ATP13A1: variants seen among roughly 807,000 people sequenced by gnomAD.
ATP13A1 encodes ATPase 13A1.
ATP13A1 carries 55 observed loss-of-function variants against 134.8 expected under a neutral mutation model. That is an observed-to-expected ratio of 0.41 (90% CI 0.33 to 0.51). The LOEUF (loss-of-function observed/expected upper bound fraction) is 0.51. Ranked by LOEUF, ATP13A1 falls within the 20% of genes least tolerant of loss-of-function variation. The pLI is 0.29. For synonymous variants in ATP13A1, 775 were observed against 725.1 expected (o/e 1.07, Z -1.10); for missense variants, 1,389 against 1,652.8 (o/e 0.84, Z 2.77).
chr19:19,658,203 G>C (rs531641494), intron 3 of ATP13A1, among the ~76,000 whole-genome samples: 25 of 150,142 alleles, frequency 1.7e-4, no homozygotes, highest in African/African-American at 6.1e-4. Flanking sequence ...TTGGGCCTAA[G>C]GGTGTGTTCT....
chr19:19,660,850 CA>C (rs1278357297), intron 1 of ATP13A1, among the ~76,000 whole-genome samples: 3 of 151,518 alleles, frequency 2.0e-5, no homozygotes, highest in Non-Finnish European at 4.4e-5. Context: ...GAGGCTGAGG[CA>C]GGGGGGATCA....
chr19:19,659,176 C>T (rs923943817), intron 3 of ATP13A1, among the ~76,000 whole-genome samples: 2 of 150,084 alleles, frequency 1.3e-5, no homozygotes, highest in South Asian at 2.1e-4. Context: ...CAGATTTGGC[C>T]GGGTGCAGTG....
rs1034077455 is a variant in ATP13A1 at position 19,656,425 on chromosome 19, G to T, written c.1083+235C>A. Reference sequence around the variant, plus strand: ...CGTCTGGGACTCACCCCTCTGGACTGCTCCCAGCCCACCTTGGTCTGACAT... The same window carrying T: ...CGTCTGGGACTCACCCCTCTGGACTTCTCCCAGCCCACCTTGGTCTGACAT... On this transcript the variant is annotated intron_variant, in intron 7 of 25. Transcript: ENST00000357324. This position sits in a 1 kb window ranked among gnomAD's most constrained non-coding sequence, Gnocchi z 4.6. Among the ~76,000 whole-genome samples the T allele has an allele frequency of 6.6e-6, 1 of 152,116 alleles. No homozygotes were observed. Among genetic ancestry groups the T allele is most frequent in the African/African-American group, 2.4e-5 (1 of 41,414 alleles).
Position 19,646,345 on chromosome 19 carries a change from G to A in ATP13A1, c.3108C>T (p.Pro1036=). The change falls in exon 23 of 26, where the codon CCC becomes CCT. Residue 1036 remains proline (P), a splice_region_variant and synonymous_variant. Transcript: ENST00000357324. The part of the protein sequence containing the change: ...GCFLFISRSK[P]LKTLSRERPL... Reference sequence around the variant, plus strand: ...GCCGTTCTCGGGAGAGGGTCTTGAGGGGCTGCAGCAGCAAGGCGGGTGGGG... The same window carrying A: ...GCCGTTCTCGGGAGAGGGTCTTGAGAGGCTGCAGCAGCAAGGCGGGTGGGG... 2 of 1,613,792 alleles carry A rather than the reference G, an allele frequency of 1.2e-6. No homozygotes were observed. The highest frequency in any genetic ancestry group is 1.7e-6 in the Non-Finnish European group (2 of 1,179,846).
Position 19,659,919 on chromosome 19 carries a change from G to A in ATP13A1, c.465C>T (p.Leu155=), listed in dbSNP as rs371645040. Reference sequence around the variant, plus strand: ...CTACCTCATTGCGGTGCAGGGCCACGAGCTCCGTGGAGCCATTGTTGGGGG... The same window carrying A: ...CTACCTCATTGCGGTGCAGGGCCACAAGCTCCGTGGAGCCATTGTTGGGGG... ...VPTPNNGSTE[L]VALHRNEGED... Residue 155 remains leucine, a synonymous_variant, in exon 2 of 26, where the codon CTC becomes CTT. Transcript: ENST00000357324. 4 of 1,585,490 alleles carry A rather than the reference G, an allele frequency of 2.5e-6. No individual in the cohort carries two copies. The highest frequency in any genetic ancestry group is 2.3e-5 in the East Asian group (1 of 43,930).
In ATP13A1 at chr19:19,645,642, C is replaced by T. The variant is rs1188504250; in HGVS notation, c.3504+5G>A. On this transcript the variant is annotated splice_donor_5th_base_variant and intron_variant, in intron 25 of 25. Transcript: ENST00000357324. The surrounding 1 kb of genome is among the most constrained non-coding windows in gnomAD (Gnocchi z 4.1). ...CCCCAGGGTCACCTCCACAGGGCCA[C>T]TGACCTCCACAGGGATGTCCACGAG... 4 of 1,566,494 alleles carry T rather than the reference C, an allele frequency of 2.6e-6. No homozygotes were observed. Among genetic ancestry groups the T allele is most frequent in the Non-Finnish European group, 3.5e-6 (4 of 1,155,804 alleles).
Position 19,655,530 on chromosome 19 carries a change from T to G in ATP13A1, c.1394A>C (p.Glu465Ala). The G allele has an allele frequency of 6.2e-7, 1 of 1,613,932 alleles. No individual in the cohort carries two copies. Among genetic ancestry groups the G allele is most frequent in the Non-Finnish European group, 8.5e-7 (1 of 1,179,864 alleles). Residue 465 changes from glutamate to alanine, a missense_variant and splice_region_variant, in exon 10 of 26, where the codon GAA becomes GCA. By Grantham distance (107) the Glu-to-Ala change is moderately radical. Coordinates refer to ENST00000357324, the MANE Select transcript of ATP13A1 (RefSeq NM_020410.3). This position sits in a 1 kb window ranked among gnomAD's most constrained non-coding sequence, Gnocchi z 5.7. ...AIAAAAYVWI[E>A]GTKDPSRNRY... ...ACCACAGAGGCCGTGGCGCTTACCT[T>G]CAATCCATACATAGGCAGCTGCAGC...
At chr19:19,662,861 C>G (rs1250849299) in intron 1 of ATP13A1, among the ~76,000 whole-genome samples, 1 of 152,124 alleles carries the variant, frequency 6.6e-6, no homozygotes. Flanking sequence ...CCAGTGATCT[C>G]GCCTTACACT....
rs147877135 is a variant in ATP13A1, at chr19:19,647,717, C to T, written c.2675G>A (p.Arg892Gln). 9 of 1,608,062 alleles carry T rather than the reference C, an allele frequency of 5.6e-6. No homozygotes were observed. The highest frequency in any genetic ancestry group is 4.5e-5 in the East Asian group (2 of 44,784). The change falls in exon 20 of 26, where the codon CGG (arginine) becomes CAG (glutamine). Residue 892 changes from arginine to glutamine, a missense_variant. Physicochemically the swap from Arg to Gln is conservative, Grantham distance 43. Transcript: ENST00000357324. This position sits in a 1 kb window ranked among gnomAD's most constrained non-coding sequence, Gnocchi z 4.8. ...TGGGCTGTCCCGGGGCCGCCGTCGCCGCTCGACAACCCGCTCAGGGGCATT... is the reference window on the plus strand; with the variant it reads ...TGGGCTGTCCCGGGGCCGCCGTCGCTGCTCGACAACCCGCTCAGGGGCATT... ...LANAPERVVE[R>Q]RRRPRDSPTL...
In ATP13A1 at chr19:19,656,786, G is replaced by A. The variant is rs780570507; in HGVS notation, c.977-20C>T. 1 of 1,613,024 alleles carries A rather than the reference G, an allele frequency of 6.2e-7. No homozygotes were observed. On this transcript the variant is annotated intron_variant, in intron 6 of 25. Coordinates refer to ENST00000357324, the MANE Select transcript of ATP13A1 (RefSeq NM_020410.3). This position sits in a 1 kb window ranked among gnomAD's most constrained non-coding sequence, Gnocchi z 4.6. ...AGCGGCCTGCAGGGCAGAGGCAGGA[G>A]GGTTGGCCAGAGGCCCTGAGGCTGG...
rs759852268 is a variant in ATP13A1 at position 19,654,718 on chromosome 19, A to T, written c.1656-18T>A. On this transcript the variant is annotated intron_variant, in intron 12 of 25. Coordinates refer to ENST00000357324, the MANE Select transcript of ATP13A1 (RefSeq NM_020410.3). Reference sequence around the variant, plus strand: ...TCCCGTCTCTGCAAGGTCGGGGAACAGCTGGTTACAGAGTGCAGGCGGGTA... The same window carrying T: ...TCCCGTCTCTGCAAGGTCGGGGAACTGCTGGTTACAGAGTGCAGGCGGGTA... 1 of 1,603,366 alleles carries T rather than the reference A, an allele frequency of 6.2e-7. No homozygotes were observed. The highest frequency in any genetic ancestry group is 8.5e-7 in the Non-Finnish European group (1 of 1,174,966).
chr19:19,662,213 T>C, intron 1 of ATP13A1: 1 of 1,531,182 alleles, frequency 6.5e-7, no homozygotes, highest in South Asian at 1.2e-5. Context: ...CCTCCTTTAT[T>C]TTGTCCCTCA....
rs978038150 is a variant in ATP13A1 at position 19,663,620 on chromosome 19, C to A, written c.47G>T (p.Arg16Leu). 1.5e-6 allele frequency: 2 copies of A among 1,372,914 alleles called. No individual in the cohort carries two copies. The highest frequency in any genetic ancestry group is 1.9e-6 in the Non-Finnish European group (2 of 1,070,588). The allele number at this position is 1,372,914 out of a possible 1,614,324, so 85.0% of individuals were successfully genotyped here. The change falls in exon 1 of 26, where the codon CGG becomes CTG. Residue 16 changes from arginine to leucine, a missense_variant. Around this residue, in one of 4 missense-constraint regions of ATP13A1, gnomAD observed 293 missense variants for 270.8 expected, o/e 1.08. Transcript: ENST00000357324. ...CCCGTCAGGCCGGACCCCGCAAGGCCGGGCCCCGCAGGGCACCGCGTTGCC... is the reference window on the plus strand; with the variant it reads ...CCCGTCAGGCCGGACCCCGCAAGGCAGGGCCCCGCAGGGCACCGCGTTGCC... The part of the protein sequence containing the change: ...AVGNAVPCGA[R>L]PCGVRPDGQP...
Position 19,659,795 on chromosome 19 carries a change from C to T in ATP13A1, c.487-4G>A, listed in dbSNP as rs370819990. On this transcript the variant is annotated splice_region_variant and splice_polypyrimidine_tract_variant and intron_variant, in intron 2 of 25. Coordinates refer to ENST00000357324, the MANE Select transcript of ATP13A1 (RefSeq NM_020410.3). Reference sequence around the variant, plus strand: ...GCACCTCAAGCCCGTCTTCGCCCTGCGGTAGAAGGTGTGTTTGCCACAGAG... The same window carrying T: ...GCACCTCAAGCCCGTCTTCGCCCTGTGGTAGAAGGTGTGTTTGCCACAGAG... 1.5e-5 allele frequency: 24 copies of T among 1,612,442 alleles called. No homozygotes were observed. Among genetic ancestry groups the T allele is most frequent in the South Asian group, 4.4e-5 (4 of 90,990 alleles).
rs1409918263 is a variant in ATP13A1, at chr19:19,657,016, C to A, written c.884G>T (p.Gly295Val). The A allele has an allele frequency of 6.3e-7, 1 of 1,584,212 alleles. No individual in the cohort carries two copies. Among genetic ancestry groups the A allele is most frequent in the South Asian group, 1.1e-5 (1 of 86,984 alleles). ...CACCTGGATCATGTGGGGCTTGTTG[C>A]CCATCTTCCGGATCTCCGACATGTT... ...MRNMSEIRKMGNKPHMIQVYR... is the reference protein window; with the variant it reads ...MRNMSEIRKMVNKPHMIQVYR... The change falls in exon 5 of 26, where the codon GGC (glycine) becomes GTC (valine). Residue 295 changes from glycine (G) to valine (V), a missense_variant. Physicochemically the swap from Gly to Val is moderately radical, Grantham distance 109. This residue lies in a region of ATP13A1 where 747 missense variants were observed against 956.1 expected (regional missense o/e 0.78). Transcript: ENST00000357324.
chr19:19,646,542 CCCTGG>C, intron 22 of ATP13A1, 195 bp from the exon 23 acceptor site: 1 of 674,428 alleles, frequency 1.5e-6, no homozygotes, highest in Non-Finnish European at 2.5e-6. Context: ...AGGGCTGCCT[CCCTGG>C]CCCCGGCTCC....
At chr19:19,651,864 C>A (rs779142103) in intron 16 of ATP13A1, 67 bp from the exon 17 acceptor site, 17 of 1,274,302 alleles carry the variant, frequency 1.3e-5, no homozygotes, top group Non-Finnish European at 1.8e-5. Context: ...AGAGACAAGG[C>A]TGCCAAGTCT....
chr19:19,657,057 C>A lies in ATP13A1; in HGVS notation c.843G>T (p.Val281=). The change falls in exon 5 of 26, where the codon GTG becomes GTT. Residue 281 remains valine (V), a synonymous_variant. Coordinates refer to ENST00000357324, the MANE Select transcript of ATP13A1 (RefSeq NM_020410.3). ...CCGACATGTTCCGCATCTGCTGCTG[C>A]ACCAGCGAGGCCTCGAACGCCACCA... ...SMLVAFEASL[V]QQQMRNMSEI... is the part of the protein sequence containing the mutation. The A allele has an allele frequency of 6.4e-7, 1 of 1,560,308 alleles. No individual in the cohort carries two copies. The highest frequency in any genetic ancestry group is 1.4e-5 in the African/African-American group (1 of 73,716).
rs948444885 is a variant in ATP13A1, at chr19:19,659,773, C to T, written c.505G>A (p.Val169Met). 2.5e-6 allele frequency: 4 copies of T among 1,613,878 alleles called. No homozygotes were observed. The highest frequency in any genetic ancestry group is 3.3e-4 in the Middle Eastern group (2 of 6,062). ...ATCTTCTGGAATTCGAAGGACAGCACCTCAAGCCCGTCTTCGCCCTGCGGT... is the reference window on the plus strand; with the variant it reads ...ATCTTCTGGAATTCGAAGGACAGCATCTCAAGCCCGTCTTCGCCCTGCGGT... ...HRNEGEDGLE[V>M]LSFEFQKIKY... Residue 169 changes from valine (V) to methionine (M), a missense_variant, in exon 3 of 26, where the codon GTG (valine) becomes ATG (methionine). Val to Met is a conservative substitution (Grantham distance 21). Around this residue, in one of 4 missense-constraint regions of ATP13A1, gnomAD observed 293 missense variants for 270.8 expected, o/e 1.08. Transcript: ENST00000357324.
Sources: allele counts gnomAD v4.1 joint callset (sites outside exome capture counted in the v4.1 genomes callset), GRCh38; gene constraint gnomAD v4.1.1; regional missense constraint gnomAD v4.1.1; non-coding constraint Gnocchi (gnomAD v3.1); transcripts MANE v1.5; gene names NCBI Gene and HGNC (gene_info 2026-07-23, HGNC 2026-07-21).